The following SMIM3 variants were observed in gnomAD, a reference collection of about 807,000 sequenced individuals.
SMIM3 encodes the protein small integral membrane protein 3, also known as NGF-induced differentiation clone 67 protein.
A neutral mutation model predicts 2.1 loss-of-function variants in SMIM3; 4 were observed. That is an observed-to-expected ratio of 1.89 (90% CI 0.93 to 4.31). SMIM3 has a LOEUF of 4.31. SMIM3 is among the 30% of genes most tolerant of loss of function. The pLI is 0.01. For missense variants in SMIM3, 79 were observed against 77.7 expected (o/e 1.02, Z -0.06); for synonymous variants, 29 against 30.8 (o/e 0.94, Z 0.19).
At chr5:150,784,810 C>G (rs1173371236) in intron 1 of SMIM3, among the ~76,000 whole-genome samples, 1 of 152,108 alleles carries the variant, frequency 6.6e-6, no homozygotes, top group African/African-American at 2.4e-5. Context: ...TCTGTGCTTT[C>G]TATTTGTCCC....
In SMIM3 at chr5:150,779,467, A is replaced by T. The variant is rs573165800; in HGVS notation, c.-12+495A>T. On this transcript the variant is annotated intron_variant, in intron 1 of 1. Coordinates refer to ENST00000526627, the MANE Select transcript of SMIM3 (RefSeq NM_032947.5). ...TAGAAGGCGCCAGGAGTTTGGAGTC[A>T]GGAGTGGCGGGTTCCAGCCCTGGTT... is the stretch of plus-strand genomic sequence containing the variant. Among the ~76,000 whole-genome samples, 164 of 152,298 alleles carry T rather than the reference A, an allele frequency of 1.1e-3. 1 individual carries two copies. The highest frequency in any genetic ancestry group is 3.4e-3 in the Middle Eastern group (1 of 294).
intron 1 of SMIM3, among the ~76,000 whole-genome samples, chr5:150,785,472 T>C (rs1753281061): frequency 6.6e-6 from 1 of 152,178 alleles, no homozygotes; most frequent in Non-Finnish European, 1.5e-5. Context: ...TTAAATTCCA[T>C]TGTTTCTGTT....
intron 1 of SMIM3, among the ~76,000 whole-genome samples, chr5:150,780,853 CT>C (rs1326171371): frequency 6.6e-6 from 1 of 152,158 alleles, no homozygotes; most frequent in African/African-American, 2.4e-5. Flanking sequence ...GGCACGTGTA[CT>C]CACAAACACA....
At chr5:150,779,829 A>ACACC (rs1753212790) in intron 1 of SMIM3, among the ~76,000 whole-genome samples, 4 of 111,024 alleles carry the variant, frequency 3.6e-5, no homozygotes, top group Non-Finnish European at 3.8e-5. Context: ...GAAAGGTGTA[A>ACACC]CCCCCCCCGC....
At chr5:150,788,018 T>C (rs1008284552) in intron 1 of SMIM3, among the ~76,000 whole-genome samples, 4 of 152,142 alleles carry the variant, frequency 2.6e-5, no homozygotes, top group Non-Finnish European at 5.9e-5. Context: ...AAAACAGTAT[T>C]GTCCTGTCAG....
At position 150,781,387 on chromosome 5, in the gene SMIM3, G is replaced by A. The variant is rs1433704429; in HGVS notation, c.-12+2415G>A. Among the ~76,000 whole-genome samples the A allele has an allele frequency of 3.3e-5, 5 of 152,206 alleles. No homozygotes were observed. In the East Asian group the frequency reaches 9.6e-4, roughly 29 times the overall value. On this transcript the variant is annotated intron_variant, in intron 1 of 1. Coordinates refer to ENST00000526627, the MANE Select transcript of SMIM3 (RefSeq NM_032947.5). ...CAAGAGATAATGGAGACATCTAGCA[G>A]TAAAGGCTAAGAATTAGGTAGTTAG...
chr5:150,795,437 C>A lies in SMIM3; in HGVS notation c.-4C>A, dbSNP rs749203291. ...CTTTCTTGTCTGTTGCAGAGTGAAG[C>A]AACATGGATGCAGTCAGCCAAGTCC... On this transcript the variant is annotated 5_prime_UTR_variant, in exon 2 of 2. Transcript: ENST00000526627. 1.9e-6 allele frequency: 3 copies of A among 1,613,968 alleles called. No homozygotes were observed. Among genetic ancestry groups the A allele is most frequent in the Non-Finnish European group, 2.5e-6 (3 of 1,179,870 alleles).
chr5:150,779,438 C>G (rs72806000), intron 1 of SMIM3, among the ~76,000 whole-genome samples: 5 of 152,162 alleles, frequency 3.3e-5, no homozygotes, highest in African/African-American at 7.2e-5. Flanking sequence ...CTCGAGGCCC[C>G]GTGTAGAAGG....
intron 1 of SMIM3, among the ~76,000 whole-genome samples, chr5:150,789,189 A>AT: frequency 6.6e-6 from 1 of 152,210 alleles, no homozygotes; most frequent in Non-Finnish European, 1.5e-5. Context: ...TTAATCTATG[A>AT]CTATTATATT....
chr5:150,779,213 G>C (rs1753206657), intron 1 of SMIM3, among the ~76,000 whole-genome samples: 1 of 152,144 alleles, frequency 6.6e-6, no homozygotes, highest in African/African-American at 2.4e-5. Context: ...TTTGGGCCTG[G>C]GGGAGGCGGA....
chr5:150,790,609 A>G (rs1375501545), intron 1 of SMIM3, among the ~76,000 whole-genome samples: 1 of 152,128 alleles, frequency 6.6e-6, no homozygotes, highest in Non-Finnish European at 1.5e-5. Context: ...ACTTGCCCAG[A>G]TCTGCCCAGC....
At chr5:150,789,496 A>G (rs1753327058) in intron 1 of SMIM3, among the ~76,000 whole-genome samples, 1 of 152,076 alleles carries the variant, frequency 6.6e-6, no homozygotes, top group Non-Finnish European at 1.5e-5. Context: ...GCCCTCTGAC[A>G]CCCGACTACT....
At chr5:150,794,595 C>G (rs1007905854) in intron 1 of SMIM3, among the ~76,000 whole-genome samples, 5 of 152,140 alleles carry the variant, frequency 3.3e-5, no homozygotes, top group African/African-American at 1.2e-4. Context: ...TATGTTCTCA[C>G]TGATATGTGG....
intron 1 of SMIM3, among the ~76,000 whole-genome samples, chr5:150,786,029 T>C (rs1753289218): frequency 6.6e-6 from 1 of 152,220 alleles, no homozygotes; most frequent in African/African-American, 2.4e-5. Context: ...CTTCATTCTT[T>C]CTTTTCTCCT....
chr5:150,784,197 G>A (rs527557648), intron 1 of SMIM3, among the ~76,000 whole-genome samples: 68 of 152,102 alleles, frequency 4.5e-4, no homozygotes, highest in Non-Finnish European at 8.7e-4. Context: ...GCTTAACTTC[G>A]TGAAGCCCTT....
At chr5:150,790,176 T>C (rs892502265) in intron 1 of SMIM3, among the ~76,000 whole-genome samples, 1 of 152,130 alleles carries the variant, frequency 6.6e-6, no homozygotes, top group Non-Finnish European at 1.5e-5. Flanking sequence ...ATGGCACTCA[T>C]TCTAGCTTTA....
At chr5:150,783,274 C>T (rs766456928) in intron 1 of SMIM3, among the ~76,000 whole-genome samples, 18 of 152,240 alleles carry the variant, frequency 1.2e-4, no homozygotes, top group Non-Finnish European at 2.2e-4. Context: ...TTGAATTGCC[C>T]TCTCTGGCTT....
chr5:150,786,420 TG>T (rs1375167474), intron 1 of SMIM3, among the ~76,000 whole-genome samples: 3 of 152,166 alleles, frequency 2.0e-5, no homozygotes, highest in Non-Finnish European at 2.9e-5. Context: ...CCTGAGTAGC[TG>T]GGACTACAGG....
rs1250322010 is a variant in SMIM3 at position 150,778,810 on chromosome 5, G to C, written c.-174G>C. The C allele has an allele frequency of 1.3e-5, 6 of 471,142 alleles. No homozygotes were observed. The highest frequency in any genetic ancestry group is 2.2e-5 in the Non-Finnish European group (5 of 227,810). 29.2% of individuals were successfully genotyped at this position (471,142 alleles called of 1,614,324 possible). On this transcript the variant is annotated 5_prime_UTR_variant, in exon 1 of 2. Transcript: ENST00000526627. The stretch of plus-strand genomic sequence containing the variant: ...CCGCTCCTGCGCTCTCCCGCCTCCC[G>C]GGGCTCGGAGGAGCCGGGGCACGTT...
Sources: allele counts gnomAD v4.1 joint callset (sites outside exome capture counted in the v4.1 genomes callset), GRCh38; gene constraint gnomAD v4.1.1; transcripts MANE v1.5; gene names NCBI Gene and HGNC (gene_info 2026-07-23, HGNC 2026-07-21).